KLF12: variants seen among roughly 807,000 people sequenced by gnomAD.
KLF12 encodes the protein KLF transcription factor 12, also known as Krueppel-like factor 12.
Under a neutral mutation model 37.8 loss-of-function variants are expected in KLF12, and 9 were observed. That is an observed-to-expected ratio of 0.24 (90% CI 0.14 to 0.42). The LOEUF (loss-of-function observed/expected upper bound fraction) is 0.42, where lower values mean the gene tolerates loss of function less well. KLF12 is among the 10% of genes least tolerant of loss of function. KLF12 has a pLI of 1.00. For synonymous variants in KLF12, 208 were observed against 202.1 expected, an observed-to-expected ratio of 1.03 and a Z score of -0.25; for missense variants, 411 against 516.0, an observed-to-expected ratio of 0.80 and a Z score of 1.97.
At chr13:73,946,499 G>A (rs1460065185) in intron 2 of KLF12, among the ~76,000 whole-genome samples, 1 of 152,146 alleles carries the variant, frequency 6.6e-6, no homozygotes, top group East Asian at 1.9e-4. Flanking sequence ...ATATATTCAT[G>A]ATGGTTTTTC....
At position 73,824,586 on chromosome 13, in the gene KLF12, T is replaced by G. The variant is rs138409135; in HGVS notation, c.671-11299A>C. On this transcript the variant is annotated intron_variant, in intron 4 of 7. Coordinates refer to ENST00000377669, the MANE Select transcript of KLF12 (RefSeq NM_007249.5). ...GCCAAAAGAACAGTATTACTGTATT[T>G]TTTTTCCTGTGTTTCAATCTTGGTT... Among the ~76,000 whole-genome samples the G allele has an allele frequency of 2.5e-3, 375 of 152,304 alleles. 3 individuals are homozygous for G. The highest frequency in any genetic ancestry group is 8.3e-3 in the African/African-American group (346 of 41,568).
rs1377297056 is a variant in KLF12 at position 73,868,337 on chromosome 13, G to C, written c.124-21964C>G. Among the ~76,000 whole-genome samples the C allele has an allele frequency of 1.1e-4, 15 of 133,098 alleles. 1 individual carries two copies. Among genetic ancestry groups the C allele is most frequent in the Middle Eastern group, 3.8e-3 (1 of 264 alleles). 87.3% of individuals were successfully genotyped at this position (133,098 alleles called of 152,430 possible). On this transcript the variant is annotated intron_variant, in intron 3 of 7. Transcript: ENST00000377669. ...AAAAGGCGGGGGCGGTGGGGGGGGG[G>C]GGTGATTTCAGTACAAAGCCTACAG...
the KLF12 span, among the ~76,000 whole-genome samples, chr13:74,275,700 CT>C: frequency 9.5e-3 from 1,372 of 144,020 alleles, 21 homozygotes; most frequent in African/African-American, 0.03. Flanking sequence ...TGTATATAAC[CT>C]TTTTTTTTTT....
chr13:74,096,571 G>A (rs1875999018), intron 1 of KLF12, among the ~76,000 whole-genome samples: 1 of 152,132 alleles, frequency 6.6e-6, no homozygotes, highest in Admixed American at 6.5e-5. Flanking sequence ...CAATAACCTA[G>A]GGTTTCTTTT....
chr13:74,102,855 T>C (rs749158259), intron 1 of KLF12, among the ~76,000 whole-genome samples: 9 of 152,232 alleles, frequency 5.9e-5, no homozygotes, highest in Non-Finnish European at 1.0e-4. Context: ...GACTGTGATA[T>C]AATTATTGCA....
At chr13:73,938,351 T>C (rs1188146543) in intron 3 of KLF12, among the ~76,000 whole-genome samples, 1 of 152,200 alleles carries the variant, frequency 6.6e-6, no homozygotes, top group Non-Finnish European at 1.5e-5. Context: ...ATTTATTTCC[T>C]GCGTTAAGTA....
chr13:74,033,091 T>C (rs1298618833), intron 1 of KLF12, among the ~76,000 whole-genome samples: 1 of 152,210 alleles, frequency 6.6e-6, no homozygotes, highest in African/African-American at 2.4e-5. Flanking sequence ...ACGTGACATG[T>C]ACTGTATACA....
the KLF12 span, among the ~76,000 whole-genome samples, chr13:74,205,497 G>A: frequency 1.3e-5 from 2 of 152,080 alleles, no homozygotes; most frequent in Non-Finnish European, 2.9e-5. Flanking sequence ...CTACTCAAGT[G>A]TATTGAGTAA....
intron 3 of KLF12, among the ~76,000 whole-genome samples, chr13:73,925,901 A>G (rs2139248040): frequency 6.6e-6 from 1 of 152,322 alleles, no homozygotes; most frequent in East Asian, 1.9e-4. Context: ...GGAAATAGCA[A>G]GAGAACTAGA....
intron 4 of KLF12, among the ~76,000 whole-genome samples, chr13:73,837,534 T>C (rs1353546606): frequency 6.6e-6 from 1 of 152,014 alleles, no homozygotes; most frequent in African/African-American, 2.4e-5. Context: ...AAAAAAAGGG[T>C]TCTGAACTCA....
chr13:73,749,261 ATATT>A (rs1200303684), intron 6 of KLF12, among the ~76,000 whole-genome samples: 6 of 152,188 alleles, frequency 3.9e-5, no homozygotes, highest in African/African-American at 1.4e-4. Context: ...AGAAAAAAAG[ATATT>A]TATTCTTTGT....
At chr13:73,761,271 A>C (rs1879532028) in intron 6 of KLF12, among the ~76,000 whole-genome samples, 1 of 152,168 alleles carries the variant, frequency 6.6e-6, no homozygotes, top group Non-Finnish European at 1.5e-5. Context: ...AATGGTTTAT[A>C]ATGTGAAGGG....
intron 2 of KLF12, among the ~76,000 whole-genome samples, chr13:73,985,990 G>C (rs1455883472): frequency 6.6e-6 from 1 of 152,194 alleles, no homozygotes; most frequent in African/African-American, 2.4e-5. Flanking sequence ...AGCTGCAAGA[G>C]ATACAGGATG....
At chr13:74,006,066 T>C (rs901444482) in intron 1 of KLF12, among the ~76,000 whole-genome samples, 15 of 152,224 alleles carry the variant, frequency 9.9e-5, no homozygotes, top group Admixed American at 2.6e-4. Context: ...TACAACACTT[T>C]AGTTTTGGCT....
chr13:73,985,106 G>A (rs1167286240), intron 2 of KLF12, among the ~76,000 whole-genome samples: 2 of 152,236 alleles, frequency 1.3e-5, no homozygotes, highest in African/African-American at 2.4e-5. Context: ...GCAGCCAACA[G>A]ACTGGCTGAG....
the KLF12 span, among the ~76,000 whole-genome samples, chr13:74,304,036 C>T: frequency 6.6e-6 from 1 of 152,090 alleles, no homozygotes; most frequent in Non-Finnish European, 1.5e-5. Flanking sequence ...TTTCCGAGGG[C>T]CCACTCTGCA....
chr13:73,982,852 A>G (rs1891723225), intron 2 of KLF12, among the ~76,000 whole-genome samples: 1 of 152,048 alleles, frequency 6.6e-6, no homozygotes. Flanking sequence ...AATAAAAGAA[A>G]TGTTCAGTAT....
At chr13:74,081,582 A>G (rs1365394027) in intron 1 of KLF12, among the ~76,000 whole-genome samples, 3 of 152,282 alleles carry the variant, frequency 2.0e-5, no homozygotes, top group East Asian at 1.9e-4. Context: ...TCAACAGACA[A>G]TGGATCTGCC....
the KLF12 span, among the ~76,000 whole-genome samples, chr13:74,150,861 G>A: frequency 6.6e-6 from 1 of 152,178 alleles, no homozygotes; most frequent in African/African-American, 2.4e-5. Flanking sequence ...GGACAGGCCA[G>A]AAGGTGCAAG....
Sources: gnomAD v4.1 joint callset for allele counts (sites outside exome capture counted in the v4.1 genomes callset) on GRCh38, gnomAD v4.1.1 for gene constraint, MANE v1.5 for transcripts, NCBI Gene and HGNC (gene_info 2026-07-23, HGNC 2026-07-21) for gene names.